Variants in TPTE observed in about 807,000 individuals in gnomAD.
TPTE encodes the protein putative tyrosine-protein phosphatase TPTE.
TPTE carries 59 observed loss-of-function variants against 84.1 expected under a neutral mutation model. The observed-to-expected ratio is 0.70, with a 90% CI of 0.57 to 0.87. The LOEUF (loss-of-function observed/expected upper bound fraction) is 0.87, where lower values mean the gene tolerates loss of function less well. Among genes scored for constraint, TPTE ranks in the 40% least tolerant of loss-of-function variants. TPTE has a pLI of 0.00. For missense variants in TPTE, 382 were observed against 659.6 expected (o/e 0.58, Z 4.61); for synonymous variants, 130 against 223.5 (o/e 0.58, Z 3.73).
intron 10 of TPTE, among the ~76,000 whole-genome samples, chr21:10,566,390 C>T (rs1367642124): frequency 6.6e-6 from 1 of 152,300 alleles, no homozygotes; most frequent in African/African-American, 2.4e-5. Context: ...ATAAGAGAAC[C>T]CTCATACACT....
chr21:10,603,905 G>C (rs1251086009), intron 23 of TPTE, among the ~76,000 whole-genome samples: 1 of 152,312 alleles, frequency 6.6e-6, no homozygotes, highest in East Asian at 1.9e-4. Flanking sequence ...AAGTGTGGTA[G>C]TAAATTCCTC....
chr21:10,526,826 ATGTG>A (rs1373743063), intron 2 of TPTE, among the ~76,000 whole-genome samples: 3 of 152,426 alleles, frequency 2.0e-5, no homozygotes, highest in Non-Finnish European at 4.4e-5. Context: ...TGTATTTTGC[ATGTG>A]TCTTAACTTA....
At chr21:10,568,958 G>A (rs865795001) in intron 11 of TPTE, among the ~76,000 whole-genome samples, 23 of 152,362 alleles carry the variant, frequency 1.5e-4, no homozygotes, top group African/African-American at 4.8e-4. Flanking sequence ...AGTAGCAGCT[G>A]TAGTGAACAT....
chr21:10,525,126 G>A (rs1430649140), intron 2 of TPTE, among the ~76,000 whole-genome samples: 8 of 152,300 alleles, frequency 5.3e-5, no homozygotes, highest in African/African-American at 1.7e-4. Context: ...CACCAAAAGG[G>A]CTTCAGTGGT....
intron 7 of TPTE, among the ~76,000 whole-genome samples, chr21:10,544,126 AAT>A (rs2074423005): frequency 1.3e-5 from 2 of 152,302 alleles, no homozygotes; most frequent in Non-Finnish European, 2.9e-5. Context: ...AGGTGTAAGT[AAT>A]ATGGAAAACC....
chr21:10,526,256 C>G (rs2074076954), intron 2 of TPTE, among the ~76,000 whole-genome samples: 1 of 152,308 alleles, frequency 6.6e-6, no homozygotes, highest in South Asian at 2.1e-4. Flanking sequence ...GGCCCTCAGA[C>G]CAGGCTAACG....
intron 8 of TPTE, among the ~76,000 whole-genome samples, chr21:10,554,758 T>A (rs1420790858): frequency 1.7e-4 from 26 of 152,414 alleles, no homozygotes; most frequent in Non-Finnish European, 3.1e-4. Flanking sequence ...ATTTCTGTTT[T>A]GAATTTATTT....
At chr21:10,559,623 C>T in intron 9 of TPTE, 79 bp downstream of exon 9, 1 of 1,607,098 alleles carries the variant, frequency 6.2e-7, no homozygotes, top group Non-Finnish European at 8.5e-7. Context: ...CCTGTAATCC[C>T]AGCACCCTGG....
At chr21:10,562,342 C>T (rs1266303541) in intron 10 of TPTE, among the ~76,000 whole-genome samples, 1 of 152,310 alleles carries the variant, frequency 6.6e-6, no homozygotes. Context: ...CTCTTCAATG[C>T]CCAGACACCA....
chr21:10,562,909 T>C (rs536440708), intron 10 of TPTE, among the ~76,000 whole-genome samples: 2 of 152,292 alleles, frequency 1.3e-5, no homozygotes. Context: ...AAGAAAGTTA[T>C]AAAACACCAA....
chr21:10,584,147 C>A (rs1366338533), intron 17 of TPTE, among the ~76,000 whole-genome samples: 1 of 152,312 alleles, frequency 6.6e-6, no homozygotes, highest in Non-Finnish European at 1.5e-5. Flanking sequence ...TCTTCAATTT[C>A]TCTTTATAAT....
chr21:10,554,542 C>A (rs887446024), intron 8 of TPTE, among the ~76,000 whole-genome samples: 7 of 152,300 alleles, frequency 4.6e-5, no homozygotes, highest in African/African-American at 1.7e-4. Context: ...CCTTTTCTGT[C>A]TTTGGACTGA....
intron 23 of TPTE, 134 bp downstream of exon 23, chr21:10,603,766 C>T: frequency 2.7e-6 from 3 of 1,129,764 alleles, no homozygotes; most frequent in Non-Finnish European, 3.8e-6. Flanking sequence ...CACCATTGTT[C>T]CTTGCCTTAC....
chr21:10,579,244 G>T (rs1448495265), intron 17 of TPTE, among the ~76,000 whole-genome samples: 3 of 152,306 alleles, frequency 2.0e-5, no homozygotes, highest in Admixed American at 1.3e-4. Context: ...ATCTCAGGCT[G>T]GGCACAGTGG....
At chr21:10,537,495 G>A (rs370311836) in intron 3 of TPTE, among the ~76,000 whole-genome samples, 1,854 of 151,400 alleles carry the variant, frequency 0.012, no homozygotes, top group South Asian at 0.059. Context: ...TGGCTAACAC[G>A]GTGAAACCCC....
intron 1 of TPTE, among the ~76,000 whole-genome samples, chr21:10,522,925 C>T (rs1286850643): frequency 1.3e-5 from 2 of 152,310 alleles, no homozygotes; most frequent in East Asian, 1.9e-4. Flanking sequence ...TTTAAATGTT[C>T]ATCTATTTGT....
intron 8 of TPTE, among the ~76,000 whole-genome samples, chr21:10,556,477 A>G (rs1055734940): frequency 1.3e-5 from 2 of 152,310 alleles, no homozygotes; most frequent in Non-Finnish European, 1.5e-5. Context: ...AGTCTTTGCT[A>G]TTGTGAATAG....
At position 10,542,398 on chromosome 21, in the gene TPTE, A is replaced by G. The variant is rs200939245; in HGVS notation, c.69A>G (p.Pro23=). ...VIIELGPNDS[P]QTSEFKGATE... ...GTTTTCTCTTATCATCCACTAGTCC[A>G]CAGACAAGTGAATTTAAAGGAGCAA... The change falls in exon 6 of 24, where the codon CCA becomes CCG. Residue 23 remains proline (P), a synonymous_variant. Coordinates refer to ENST00000618007, the MANE Select transcript of TPTE (RefSeq NM_199261.4). 387 of 1,611,208 alleles carry G rather than the reference A, an allele frequency of 2.4e-4. No individual in the cohort carries two copies. Among genetic ancestry groups the G allele is most frequent in the Non-Finnish European group, 3.2e-4 (374 of 1,177,822 alleles).
At chr21:10,534,981 C>G in intron 3 of TPTE, among the ~76,000 whole-genome samples, 1 of 152,310 alleles carries the variant, frequency 6.6e-6, no homozygotes. Flanking sequence ...AATTAATGAT[C>G]TCATAGTCCT....
Sources: gnomAD v4.1 joint callset for allele counts (sites outside exome capture counted in the v4.1 genomes callset) on GRCh38, gnomAD v4.1.1 for gene constraint, MANE v1.5 for transcripts, NCBI Gene and HGNC (gene_info 2026-07-23, HGNC 2026-07-21) for gene names.